The following HMGN5 variants were observed in gnomAD, a reference collection of about 807,000 sequenced individuals.
HMGN5 encodes the protein high mobility group nucleosome-binding domain-containing protein 5.
A neutral mutation model predicts 9.5 loss-of-function variants in HMGN5; 4 were observed. The ratio of observed to expected loss-of-function variants is 0.42; its 90% CI spans 0.21 to 0.96. HMGN5 has a LOEUF of 0.96. Ranked by LOEUF, HMGN5 falls within the 40% of genes least tolerant of loss-of-function variation. HMGN5 has a pLI of 0.30. For missense variants in HMGN5, 192 were observed against 187.5 expected (o/e 1.02, Z -0.14); for synonymous variants, 55 against 57.1 (o/e 0.96, Z 0.16).
intron 1 of HMGN5, among the ~76,000 whole-genome samples, chrX:81,191,176 GATTTTCTTTTGT>G (rs1438671094): frequency 2.7e-5 from 3 of 111,505 alleles, no homozygotes; most frequent in Non-Finnish European, 5.7e-5. Flanking sequence ...TAGTTTATTA[GATTTTCTTTTGT>G]ATTTTCTACA....
At chrX:81,117,234 TTTTTC>T (rs992944843) in intron 5 of HMGN5, among the ~76,000 whole-genome samples, 13 of 107,101 alleles carry the variant, frequency 1.2e-4, no homozygotes, top group South Asian at 4.2e-4. Flanking sequence ...TCTAGCCCTA[TTTTTC>T]TTTTCTTTTC....
intron 6 of HMGN5, 115 bp from the exon 7 acceptor site, chrX:81,115,345 A>G: frequency 2.4e-6 from 2 of 846,560 alleles, no homozygotes; most frequent in Non-Finnish European, 3.0e-6. Context: ...CTTCATTTAA[A>G]GAAAGTAATT....
At chrX:81,143,881 T>A (rs910305400) in intron 1 of HMGN5, among the ~76,000 whole-genome samples, 22 of 112,068 alleles carry the variant, frequency 2.0e-4, no homozygotes, top group African/African-American at 6.1e-4. Flanking sequence ...CAAAGCCACA[T>A]GGAAGTTTGA....
At chrX:81,135,117 A>G (rs1034804583) in intron 1 of HMGN5, among the ~76,000 whole-genome samples, 2 of 111,866 alleles carry the variant, frequency 1.8e-5, no homozygotes, top group Non-Finnish European at 3.8e-5. Flanking sequence ...AGAAAAACAG[A>G]TAAATTGGAC....
At chrX:81,199,941 A>G (rs887718915) in intron 1 of HMGN5, among the ~76,000 whole-genome samples, 3 of 112,097 alleles carry the variant, frequency 2.7e-5, no homozygotes, top group Non-Finnish European at 5.6e-5. Flanking sequence ...TGAACAGGCA[A>G]CCTACAGAAT....
At chrX:81,183,859 G>A in intron 1 of HMGN5, among the ~76,000 whole-genome samples, 1 of 102,848 alleles carries the variant, frequency 9.7e-6, no homozygotes, top group Non-Finnish European at 2.0e-5. Context: ...TGAAACAGGA[G>A]TGCTTATTAA....
chrX:81,157,970 C>T (rs969878515), intron 1 of HMGN5, among the ~76,000 whole-genome samples: 4 of 110,156 alleles, frequency 3.6e-5, no homozygotes, highest in African/African-American at 6.6e-5. Context: ...TCAGTAGAGA[C>T]GGGGCTTCAC....
chrX:81,121,630 T>A lies in HMGN5; in HGVS notation c.-81A>T. The A allele has an allele frequency of 4.0e-6, 3 of 756,878 alleles. No individual in the cohort carries two copies. Among genetic ancestry groups the A allele is most frequent in the Non-Finnish European group, 3.9e-6 (2 of 517,349 alleles). 62.4% of individuals were successfully genotyped at this position (756,878 alleles called of 1,213,427 possible). A position where few individuals can be genotyped will look rare whatever the true frequency, so the allele number is the denominator to read the frequency against. On this transcript the variant is annotated 5_prime_UTR_variant, in exon 2 of 7. Transcript: ENST00000358130. The stretch of plus-strand genomic sequence containing the variant: ...ACTGCCTGACTGCTCCAAGAGCAAA[T>A]GAGTTTTCAATGAACTAACTGCAGC...
intron 1 of HMGN5, among the ~76,000 whole-genome samples, chrX:81,181,020 C>A (rs774881085): frequency 1.8e-5 from 2 of 109,093 alleles, no homozygotes; most frequent in African/African-American, 6.7e-5. Context: ...GGACACAGGG[C>A]GGGGAACATC....
intron 1 of HMGN5, among the ~76,000 whole-genome samples, chrX:81,149,758 A>G (rs2075355718): frequency 8.9e-6 from 1 of 112,248 alleles, no homozygotes; most frequent in South Asian, 3.7e-4. Context: ...AGGAGTAGCT[A>G]TACTTACATC....
rs776769640 is a variant in HMGN5, at chrX:81,126,147, C to CAA, written c.-123-4477_-123-4476dup. ...TGGGTGACAGAGCAAGACGCAGTCT[C>CAA]AAAAAAAAAAAAAAAAAAAAAAAAT... On this transcript the variant is annotated intron_variant, in intron 1 of 6. Transcript: ENST00000358130. 1.3e-3 allele frequency among the ~76,000 whole-genome samples: 64 copies of CAA among 47,645 alleles called. 1 individual carries two copies. Among genetic ancestry groups the CAA allele is most frequent in the African/African-American group, 2.7e-3 (35 of 12,857 alleles). The allele number at this position is 47,645 out of a possible 115,157, so 41.4% of individuals were successfully genotyped here. A position where few individuals can be genotyped will look rare whatever the true frequency, so the allele number is the denominator to read the frequency against.
chrX:81,133,941 T>A (rs1456999665), intron 1 of HMGN5, among the ~76,000 whole-genome samples: 1 of 111,754 alleles, frequency 8.9e-6, no homozygotes, highest in Non-Finnish European at 1.9e-5. Flanking sequence ...TTCAAATAAA[T>A]TTTTAAATAT....
At chrX:81,117,829 T>C (rs776068310) in intron 5 of HMGN5, among the ~76,000 whole-genome samples, 89 of 110,750 alleles carry the variant, frequency 8.0e-4, no homozygotes, top group African/African-American at 2.8e-3. Flanking sequence ...TTCTCATAGC[T>C]TTAACCTTTT....
chrX:81,191,179 T>C (rs1398401166), intron 1 of HMGN5, among the ~76,000 whole-genome samples: 1 of 112,270 alleles, frequency 8.9e-6, no homozygotes, highest in East Asian at 2.8e-4. Context: ...TTTATTAGAT[T>C]TTCTTTTGTA....
intron 1 of HMGN5, among the ~76,000 whole-genome samples, chrX:81,196,322 GACC>G (rs2075507987): frequency 9.1e-6 from 1 of 109,956 alleles, no homozygotes; most frequent in Non-Finnish European, 1.9e-5. Flanking sequence ...GCTCTTTGAA[GACC>G]ACCAAGACTC....
chrX:81,136,859 AG>A (rs2075312543), intron 1 of HMGN5, among the ~76,000 whole-genome samples: 1 of 111,549 alleles, frequency 9.0e-6, no homozygotes, highest in South Asian at 3.7e-4. Context: ...GAATGGAAAA[AG>A]ACACACCAAG....
chrX:81,160,196 T>G (rs1257071302), intron 1 of HMGN5, among the ~76,000 whole-genome samples: 1 of 111,493 alleles, frequency 9.0e-6, no homozygotes, highest in Non-Finnish European at 1.9e-5. Context: ...TGGGTGTTTC[T>G]TGATTCAGGA....
chrX:81,149,599 A>G (rs1179878422), intron 1 of HMGN5, among the ~76,000 whole-genome samples: 1 of 111,857 alleles, frequency 8.9e-6, no homozygotes, highest in Non-Finnish European at 1.9e-5. Flanking sequence ...TTGCACATAT[A>G]CCCCAGAACT....
At chrX:81,152,257 C>CTAAT (rs998877465) in intron 1 of HMGN5, among the ~76,000 whole-genome samples, 2 of 111,232 alleles carry the variant, frequency 1.8e-5, no homozygotes, top group African/African-American at 6.6e-5. Flanking sequence ...TGACAAAGGG[C>CTAAT]TAATATTCAG....
Sources: allele counts gnomAD v4.1 joint callset (sites outside exome capture counted in the v4.1 genomes callset), GRCh38; gene constraint gnomAD v4.1.1; transcripts MANE v1.5; gene names NCBI Gene and HGNC (gene_info 2026-07-23, HGNC 2026-07-21).